Variants in PTPRT observed in about 807,000 individuals in gnomAD.
PTPRT encodes the protein protein tyrosine phosphatase receptor type T.
A neutral mutation model predicts 176.8 loss-of-function variants in PTPRT; 56 were observed. The observed-to-expected ratio is 0.32, with a 90% CI of 0.26 to 0.40. PTPRT has a LOEUF of 0.40. PTPRT is among the 10% of genes least tolerant of loss of function. The probability of loss-of-function intolerance (pLI) is 1.00; values close to 1 mark genes in which losing one functional copy is unlikely to be tolerated. For synonymous variants in PTPRT, 783 were observed against 739.0 expected, an observed-to-expected ratio of 1.06 and a Z score of -0.96; for missense variants, 1,540 against 1,908.2, an observed-to-expected ratio of 0.81 and a Z score of 3.60.
At chr20:42,101,167 C>T (rs1408162198) in intron 26 of PTPRT, among the ~76,000 whole-genome samples, 1 of 152,146 alleles carries the variant, frequency 6.6e-6, no homozygotes, top group East Asian at 1.9e-4. Flanking sequence ...CAATGGTGTT[C>T]TTGGTTTTGA....
At chr20:42,916,958 T>G (rs1207897713) in intron 1 of PTPRT, among the ~76,000 whole-genome samples, 2 of 152,224 alleles carry the variant, frequency 1.3e-5, no homozygotes, top group African/African-American at 4.8e-5. Flanking sequence ...AGAAGCTCTT[T>G]AGTTTAATGA....
chr20:42,187,701 G>T (rs1290321060), intron 16 of PTPRT, among the ~76,000 whole-genome samples: 1 of 152,214 alleles, frequency 6.6e-6, no homozygotes, highest in Admixed American at 6.5e-5. Flanking sequence ...TATTGATGGG[G>T]TCTTCTAATC....
intron 7 of PTPRT, among the ~76,000 whole-genome samples, chr20:42,564,680 G>A (rs1277109954): frequency 6.6e-6 from 1 of 152,028 alleles, no homozygotes; most frequent in Non-Finnish European, 1.5e-5. Flanking sequence ...ATGGGTGCAG[G>A]AAACCACCAT....
At chr20:42,268,575 T>C (rs765889929) in intron 13 of PTPRT, among the ~76,000 whole-genome samples, 35 of 152,236 alleles carry the variant, frequency 2.3e-4, no homozygotes, top group Non-Finnish European at 3.4e-4. Context: ...TGGGGACTGA[T>C]TTCAGTAAAG....
intron 6 of PTPRT, among the ~76,000 whole-genome samples, chr20:42,730,463 A>T (rs2076443774): frequency 1.3e-5 from 2 of 152,228 alleles, no homozygotes; most frequent in Admixed American, 1.3e-4. Context: ...GACTCGAGGT[A>T]GCCAAGAGAC....
At chr20:42,826,374 C>T (rs895768977) in intron 2 of PTPRT, among the ~76,000 whole-genome samples, 29 of 152,200 alleles carry the variant, frequency 1.9e-4, no homozygotes, top group African/African-American at 7.0e-4. Context: ...TCCATATAGT[C>T]AAACCTGTCA....
intron 9 of PTPRT, among the ~76,000 whole-genome samples, chr20:42,362,476 G>A (rs2058444033): frequency 6.6e-6 from 1 of 151,692 alleles, no homozygotes; most frequent in Admixed American, 6.6e-5. Flanking sequence ...GAAGTGTCAA[G>A]GTCATAAAAT....
At chr20:43,056,035 A>C (rs1352006166) in intron 1 of PTPRT, among the ~76,000 whole-genome samples, 2 of 152,206 alleles carry the variant, frequency 1.3e-5, no homozygotes, top group Admixed American at 1.3e-4. Context: ...TTAAACCACT[A>C]ATTACCTAAA....
chr20:42,132,687 G>A (rs1292416134), intron 18 of PTPRT, among the ~76,000 whole-genome samples: 1 of 152,192 alleles, frequency 6.6e-6, no homozygotes, highest in Non-Finnish European at 1.5e-5. Context: ...GGAGGATGTG[G>A]CACAGCAAGA....
chr20:42,257,123 A>G (rs1261860912), intron 13 of PTPRT, among the ~76,000 whole-genome samples: 2 of 152,226 alleles, frequency 1.3e-5, no homozygotes. Flanking sequence ...TGGGCTTCTT[A>G]TAAACAAGTG....
intron 14 of PTPRT, among the ~76,000 whole-genome samples, chr20:42,243,899 G>GA (rs1227301198): frequency 6.6e-6 from 1 of 152,194 alleles, no homozygotes; most frequent in Admixed American, 6.5e-5. Context: ...CAGTTTAAAT[G>GA]AAAAATGATG....
chr20:42,246,359 C>T (rs1026858776), intron 14 of PTPRT, among the ~76,000 whole-genome samples: 1 of 152,186 alleles, frequency 6.6e-6, no homozygotes, highest in Non-Finnish European at 1.5e-5. Context: ...ACTAGGCCAA[C>T]AAAATGTCTT....
intron 12 of PTPRT, among the ~76,000 whole-genome samples, chr20:42,313,884 C>T (rs1175177892): frequency 6.6e-6 from 1 of 152,130 alleles, no homozygotes; most frequent in Admixed American, 6.5e-5. Flanking sequence ...GTAATAAATG[C>T]AGAACTGAAA....
At chr20:42,246,528 C>G (rs1347593715) in intron 14 of PTPRT, among the ~76,000 whole-genome samples, 2 of 152,146 alleles carry the variant, frequency 1.3e-5, no homozygotes, top group Non-Finnish European at 2.9e-5. Context: ...TGAAGATACT[C>G]AGAGGAGGTT....
At chr20:42,150,913 T>TA (rs1242462299) in intron 17 of PTPRT, among the ~76,000 whole-genome samples, 2 of 152,284 alleles carry the variant, frequency 1.3e-5, no homozygotes, top group East Asian at 3.9e-4. Flanking sequence ...ATGTAAATTT[T>TA]AAAAAATGGA....
chr20:42,883,799 A>T (rs1177091073), intron 2 of PTPRT, among the ~76,000 whole-genome samples: 11 of 21,346 alleles, frequency 5.2e-4, no homozygotes, highest in African/African-American at 6.7e-4. Context: ...CCATACACAC[A>T]CAACCCTTAC....
At chr20:42,425,337 G>A (rs529742833) in intron 9 of PTPRT, among the ~76,000 whole-genome samples, 42 of 152,310 alleles carry the variant, frequency 2.8e-4, no homozygotes, top group African/African-American at 9.6e-4. Flanking sequence ...TCTTTGAAAA[G>A]AGGTAATGCC....
chr20:42,893,792 A>G (rs1335464194), intron 1 of PTPRT, among the ~76,000 whole-genome samples: 1 of 151,188 alleles, frequency 6.6e-6, no homozygotes, highest in African/African-American at 2.4e-5. Flanking sequence ...GTTCTCACTC[A>G]TAGATGGGAA....
chr20:42,791,136 C>G, intron 3 of PTPRT, 59 bp downstream of exon 3: 1 of 1,518,206 alleles, frequency 6.6e-7, no homozygotes, highest in Non-Finnish European at 8.8e-7. Context: ...GTAGGGAGAG[C>G]AAAGGTGTAT....
Sources: allele counts gnomAD v4.1 joint callset (sites outside exome capture counted in the v4.1 genomes callset), GRCh38; gene constraint gnomAD v4.1.1; transcripts MANE v1.5; gene names NCBI Gene and HGNC (gene_info 2026-07-23, HGNC 2026-07-21).